DENND4A: variants seen among roughly 807,000 people sequenced by gnomAD.
The protein encoded by DENND4A is DENN domain containing 4A.
DENND4A carries 70 observed loss-of-function variants against 199.3 expected under a neutral mutation model. That is an observed-to-expected ratio of 0.35 (90% CI 0.29 to 0.43). DENND4A has a LOEUF of 0.43. Ranked by LOEUF, DENND4A falls within the 20% of genes least tolerant of loss-of-function variation. The pLI is 1.00. For synonymous variants in DENND4A, 686 were observed against 766.9 expected (o/e 0.89, Z 1.74); for missense variants, 1,723 against 2,255.8 (o/e 0.76, Z 4.78).
intron 2 of DENND4A, among the ~76,000 whole-genome samples, chr15:65,760,703 A>C (rs149174834): frequency 0.039 from 5,871 of 152,188 alleles, 387 homozygotes; most frequent in African/African-American, 0.14. Context: ...AGCCTGGCCA[A>C]CATGGTGAAA....
At chr15:65,724,498 A>T (rs1191631554) in intron 11 of DENND4A, among the ~76,000 whole-genome samples, 1 of 152,150 alleles carries the variant, frequency 6.6e-6, no homozygotes, top group African/African-American at 2.4e-5. Flanking sequence ...AGAACAACAT[A>T]GCACAGGTGT....
chr15:65,710,945 G>A (rs1386548645), intron 14 of DENND4A, among the ~76,000 whole-genome samples: 1 of 152,200 alleles, frequency 6.6e-6, no homozygotes, highest in Non-Finnish European at 1.5e-5. Flanking sequence ...TGCCATAACT[G>A]TAGGTTTCTT....
At chr15:65,724,964 C>A (rs1284483921) in intron 11 of DENND4A, among the ~76,000 whole-genome samples, 1 of 152,104 alleles carries the variant, frequency 6.6e-6, no homozygotes, top group Non-Finnish European at 1.5e-5. Flanking sequence ...AAAGGGCACT[C>A]GGGATATGTT....
In DENND4A at chr15:65,700,818, C is replaced by G. The variant is rs557756162; in HGVS notation, c.2702-143G>C. The stretch of plus-strand genomic sequence containing the variant: ...GCAAAATACAACTATAACAAAGAAA[C>G]CTATTGTGAGTTATTAATGAACACT... On this transcript the variant is annotated intron_variant, in intron 19 of 32. Coordinates refer to ENST00000443035, the MANE Select transcript of DENND4A (RefSeq NM_001320835.1). 6 of 985,624 alleles carry G rather than the reference C, an allele frequency of 6.1e-6. No individual in the cohort carries two copies. In the African/African-American group the frequency reaches 1.0e-4, roughly 17 times the overall value. The allele number at this position is 985,624 out of a possible 1,614,324, so 61.1% of individuals were successfully genotyped here. A position where few individuals can be genotyped will look rare whatever the true frequency, so the allele number is the denominator to read the frequency against.
chr15:65,692,910 A>C (rs977054036), intron 22 of DENND4A, among the ~76,000 whole-genome samples: 3 of 152,208 alleles, frequency 2.0e-5, no homozygotes. Context: ...AGAGGTTTGC[A>C]AACTATACCA....
At chr15:65,789,037 AATATT>A (rs1168358959) in intron 1 of DENND4A, among the ~76,000 whole-genome samples, 2 of 152,072 alleles carry the variant, frequency 1.3e-5, no homozygotes, top group South Asian at 2.1e-4. Context: ...TTTTTCTCTT[AATATT>A]ATATTATACT....
intron 12 of DENND4A, among the ~76,000 whole-genome samples, chr15:65,721,888 A>G (rs2140315562): frequency 6.6e-6 from 1 of 152,298 alleles, no homozygotes. Flanking sequence ...TGAAGGTTTA[A>G]TTTTCCTTAT....
intron 23 of DENND4A, among the ~76,000 whole-genome samples, chr15:65,681,527 T>C (rs1244725101): frequency 1.3e-5 from 2 of 152,044 alleles, no homozygotes; most frequent in African/African-American, 4.8e-5. Flanking sequence ...TAAATCTCCT[T>C]GACATTTCTT....
intron 1 of DENND4A, among the ~76,000 whole-genome samples, chr15:65,780,529 G>C (rs1203805796): frequency 8.5e-5 from 13 of 152,086 alleles, no homozygotes; most frequent in Admixed American, 4.6e-4. Context: ...AAGACTAATG[G>C]TCAACTTTCC....
At chr15:65,751,753 TAAAAC>T (rs1449117933) in intron 4 of DENND4A, among the ~76,000 whole-genome samples, 2 of 152,152 alleles carry the variant, frequency 1.3e-5, no homozygotes, top group East Asian at 1.9e-4. Flanking sequence ...GCTGAAAAAT[TAAAAC>T]AAAGTATTGA....
Position 65,756,400 on chromosome 15 carries a change from T to A in DENND4A, c.51A>T (p.Gly17=). ...PRVADYFVVA[G]LTDVSKPLEE... ...CTAGAGGCTTTGAAACATCAGTTAA[T>A]CCTGCTACAACAAAGTAGTCAGCAA... Residue 17 remains glycine (G), a synonymous_variant, in exon 3 of 33, where the codon GGA becomes GGT. Transcript: ENST00000443035. 1 of 1,613,798 alleles carries A rather than the reference T, an allele frequency of 6.2e-7. No individual in the cohort carries two copies. Among genetic ancestry groups the A allele is most frequent in the Non-Finnish European group, 8.5e-7 (1 of 1,179,828 alleles).
Position 65,729,204 on chromosome 15 carries a change from C to T in DENND4A, c.1355G>A (p.Cys452Tyr). Residue 452 changes from cysteine (C) to tyrosine (Y), a missense_variant, in exon 11 of 33, where the codon TGC (cysteine) becomes TAC (tyrosine). This residue lies in a region of DENND4A where 725 missense variants were observed against 952.9 expected (regional missense o/e 0.76). Transcript: ENST00000443035. The stretch of plus-strand genomic sequence containing the variant: ...CAAGACATCTGCTAAAGCCAGTGGG[C>T]AGAGAGGAACATACGGGCATGGCCA... ...FHWPCPYVPL[C>Y]PLALADVLSA... 6.3e-7 allele frequency: 1 copy of T among 1,586,896 alleles called. No homozygotes were observed. Among genetic ancestry groups the T allele is most frequent in the Admixed American group, 1.8e-5 (1 of 55,634 alleles).
chr15:65,715,614 C>G lies in DENND4A; in HGVS notation c.1817G>C (p.Arg606Thr). 1.3e-6 allele frequency: 2 copies of G among 1,549,978 alleles called. No individual in the cohort carries two copies. Among genetic ancestry groups the G allele is most frequent in the Non-Finnish European group, 1.7e-6 (2 of 1,150,126 alleles). Reference sequence around the variant, plus strand: ...TTTTTGATGTGACCGGTCCCGGCTTCTTAAGAAAGCTGTTCAACAAAAATA... The same window carrying G: ...TTTTTGATGTGACCGGTCCCGGCTTGTTAAGAAAGCTGTTCAACAAAAATA... ...ASLFALQAFLRSRDRSHQKFY... is the reference protein window; with the variant it reads ...ASLFALQAFLTSRDRSHQKFY... Residue 606 changes from arginine to threonine, a missense_variant, in exon 14 of 33, where the codon AGA becomes ACA. Physicochemically the swap from Arg to Thr is moderately conservative, Grantham distance 71. Coordinates refer to ENST00000443035, the MANE Select transcript of DENND4A (RefSeq NM_001320835.1).
At position 65,717,634 on chromosome 15, in the gene DENND4A, G is replaced by A. The variant is rs78479505; in HGVS notation, c.1807+144C>T. 8.0e-3 allele frequency: 6,016 copies of A among 753,348 alleles called. 31 individuals are homozygous for A. The highest frequency in any genetic ancestry group is 0.011 in the Non-Finnish European group (5,073 of 476,260). The allele number at this position is 753,348 out of a possible 1,614,324, so 46.7% of individuals were successfully genotyped here. Reference sequence around the variant, plus strand: ...AAAAATAACTAGTCCTATGGAAATGGGTAACCAACAAAGCTAGTATTCAGA... The same window carrying A: ...AAAAATAACTAGTCCTATGGAAATGAGTAACCAACAAAGCTAGTATTCAGA... On this transcript the variant is annotated intron_variant, in intron 13 of 32. Transcript: ENST00000443035.
intron 23 of DENND4A, among the ~76,000 whole-genome samples, chr15:65,688,753 G>C (rs2076877063): frequency 1.3e-5 from 2 of 152,248 alleles, no homozygotes; most frequent in African/African-American, 4.8e-5. Flanking sequence ...GCCATGCCAT[G>C]ATGTGACTGC....
intron 2 of DENND4A, among the ~76,000 whole-genome samples, chr15:65,758,121 G>T (rs1377724296): frequency 6.6e-6 from 1 of 152,054 alleles, no homozygotes. Context: ...CTACAAAAAT[G>T]CATACACAAA....
Position 65,729,682 on chromosome 15 carries a change from T to A in DENND4A, c.1167-4A>T, listed in dbSNP as rs1192311160. ...TAGTGTTGAAAACTTGCCACCACTG[T>A]CAATCCAAACAAAAATATATAATTA... On this transcript the variant is annotated splice_region_variant and splice_polypyrimidine_tract_variant and intron_variant, in intron 9 of 32. Coordinates refer to ENST00000443035, the MANE Select transcript of DENND4A (RefSeq NM_001320835.1). 2 of 1,544,760 alleles carry A rather than the reference T, an allele frequency of 1.3e-6. No homozygotes were observed. The highest frequency in any genetic ancestry group is 8.7e-7 in the Non-Finnish European group (1 of 1,145,016).
chr15:65,764,216 G>T (rs542143145), intron 1 of DENND4A, among the ~76,000 whole-genome samples: 17 of 152,214 alleles, frequency 1.1e-4, no homozygotes, highest in African/African-American at 3.9e-4. Context: ...TCTAAAAACA[G>T]GCCAGGTGTG....
rs57613461 is a variant in DENND4A, at chr15:65,676,141, AATATAT to A, written c.4369+298_4369+303del. ...AGAAGACAGGGAAGTAATAAGGAAAAATATATATATATATATATATATATACCTATA... is the reference window on the plus strand; with the variant it reads ...AGAAGACAGGGAAGTAATAAGGAAAAATATATATATATATATATACCTATA... On this transcript the variant is annotated intron_variant, in intron 24 of 32. Transcript: ENST00000443035. 7.2e-5 allele frequency among the ~76,000 whole-genome samples: 8 copies of A among 110,464 alleles called. No individual in the cohort carries two copies. In the East Asian group the frequency reaches 4.2e-3, roughly 59 times the overall value. 72.5% of individuals were successfully genotyped at this position (110,464 alleles called of 152,430 possible). A position where few individuals can be genotyped will look rare whatever the true frequency, so the allele number is the denominator to read the frequency against.
Sources: allele counts gnomAD v4.1 joint callset (sites outside exome capture counted in the v4.1 genomes callset), GRCh38; gene constraint gnomAD v4.1.1; regional missense constraint gnomAD v4.1.1; transcripts MANE v1.5; gene names NCBI Gene and HGNC (gene_info 2026-07-23, HGNC 2026-07-21).